The following HSPA4L variants were observed in gnomAD, a reference collection of about 807,000 sequenced individuals.
The protein encoded by HSPA4L is heat shock 70 kDa protein 4L.
HSPA4L carries 48 observed loss-of-function variants against 100.3 expected under a neutral mutation model. The ratio of observed to expected loss-of-function variants is 0.48; its 90% CI spans 0.38 to 0.61. The LOEUF is 0.61. Ranked by LOEUF, HSPA4L falls within the 20% of genes least tolerant of loss-of-function variation. The probability of loss-of-function intolerance (pLI) is 0.00; values close to 1 mark genes in which losing one functional copy is unlikely to be tolerated. For missense variants in HSPA4L, 886 were observed against 988.6 expected (o/e 0.90, Z 1.39); for synonymous variants, 319 against 328.2 (o/e 0.97, Z 0.30).
In HSPA4L at chr4:127,839,863, T is replaced by C. The variant is rs1331527519; in HGVS notation, c.*6989T>C. 2.6e-5 allele frequency: 4 copies of C among 152,204 alleles called. No homozygotes were observed. The highest frequency in any genetic ancestry group is 5.9e-5 in the Non-Finnish European group (4 of 68,046). The allele number at this position is 152,204 out of a possible 1,614,324, so 9.4% of individuals were successfully genotyped here. Reference sequence around the variant, plus strand: ...ATAAAGCCATTGTCCTTTAATACCATAGCAAATAGAAGCAATTTTTAATGA... The same window carrying C: ...ATAAAGCCATTGTCCTTTAATACCACAGCAAATAGAAGCAATTTTTAATGA... On this transcript the variant is annotated 3_prime_UTR_variant, in exon 19 of 19. Transcript: ENST00000296464.
In HSPA4L at chr4:127,795,775, C is replaced by A. The variant is rs200226261; in HGVS notation, c.173C>A (p.Thr58Lys). Residue 58 changes from threonine to lysine, a missense_variant, in exon 3 of 19, where the codon ACG (threonine) becomes AAG (lysine). Coordinates refer to ENST00000296464, the MANE Select transcript of HSPA4L (RefSeq NM_014278.4). ...AGTGTTTACTGCCAACAGATAGTCACGAACGTAAGAAATACAATTCATGGC... is the reference window on the plus strand; with the variant it reads ...AGTGTTTACTGCCAACAGATAGTCAAGAACGTAAGAAATACAATTCATGGC... ...IGNAAKSQIV[T>K]NVRNTIHGFK... 6.2e-7 allele frequency: 1 copy of A among 1,613,180 alleles called. No individual in the cohort carries two copies. Among genetic ancestry groups the A allele is most frequent in the East Asian group, 2.2e-5 (1 of 44,832 alleles).
intron 4 of HSPA4L, among the ~76,000 whole-genome samples, chr4:127,800,407 GC>G (rs996708880): frequency 1.3e-5 from 2 of 152,126 alleles, no homozygotes; most frequent in Non-Finnish European, 2.9e-5. Context: ...GTTTAAAGCT[GC>G]AGTGAGCTAT....
rs1440741976 is a variant in HSPA4L, at chr4:127,795,901, G to T, written c.299G>T (p.Gly100Val). The change falls in exon 3 of 19, where the codon GGA (glycine) becomes GTA (valine). Residue 100 changes from glycine (G) to valine (V), a missense_variant. Coordinates refer to ENST00000296464, the MANE Select transcript of HSPA4L (RefSeq NM_014278.4). ...CAGAAAATGCCTAATGGAAGTGCAG[G>T]AGTTAAGGTAAGCTTTATATTCCCA... The part of the protein sequence containing the change: ...ELQKMPNGSA[G>V]VKVRYLEEER... 6.2e-7 allele frequency: 1 copy of T among 1,613,300 alleles called. No homozygotes were observed. The highest frequency in any genetic ancestry group is 8.5e-7 in the Non-Finnish European group (1 of 1,179,488).
chr4:127,784,596 A>G (rs983619018), intron 1 of HSPA4L, among the ~76,000 whole-genome samples: 1 of 152,256 alleles, frequency 6.6e-6, no homozygotes, highest in Non-Finnish European at 1.5e-5. Flanking sequence ...AGCTTGCATC[A>G]GCAACTCTTC....
At chr4:127,796,060 C>T in intron 3 of HSPA4L, 152 bp downstream of exon 3, 3 of 620,484 alleles carry the variant, frequency 4.8e-6, no homozygotes, top group Non-Finnish European at 7.9e-6. Context: ...TTAGTGAATG[C>T]CAGGAGATCT....
chr4:127,830,117 ATTCTCT>A (rs931543846), intron 17 of HSPA4L, among the ~76,000 whole-genome samples: 3 of 151,860 alleles, frequency 2.0e-5, no homozygotes, highest in African/African-American at 7.3e-5. Flanking sequence ...CCATCAGGAG[ATTCTCT>A]TTCTATATGT....
At chr4:127,797,147 G>A (rs977552672) in intron 3 of HSPA4L, among the ~76,000 whole-genome samples, 4 of 152,128 alleles carry the variant, frequency 2.6e-5, no homozygotes, top group Admixed American at 1.3e-4. Context: ...GGAACAAATT[G>A]TAAATCCATA....
chr4:127,803,311 A>G (rs114605348), intron 6 of HSPA4L, among the ~76,000 whole-genome samples: 115 of 152,112 alleles, frequency 7.6e-4, no homozygotes, highest in African/African-American at 2.6e-3. Context: ...GTTTTGGTCT[A>G]TCTGTTCAGT....
chr4:127,832,840 A>G lies in HSPA4L; in HGVS notation c.2486A>G (p.His829Arg), dbSNP rs1427068748. ...GATTCAACAAAAGACAGCTCACAGCATACTAAATCCTCTGGAGAGATGGAA... is the reference window on the plus strand; with the variant it reads ...GATTCAACAAAAGACAGCTCACAGCGTACTAAATCCTCTGGAGAGATGGAA... Reference protein sequence around the residue: ...KSDSTKDSSQHTKSSGEMEVD With the variant: ...KSDSTKDSSQRTKSSGEMEVD Residue 829 changes from histidine (H) to arginine (R), a missense_variant, in exon 19 of 19, where the codon CAT becomes CGT. By Grantham distance (29) the His-to-Arg change is conservative. Coordinates refer to ENST00000296464, the MANE Select transcript of HSPA4L (RefSeq NM_014278.4). 3.3e-5 allele frequency: 53 copies of G among 1,611,552 alleles called. No individual in the cohort carries two copies. The highest frequency in any genetic ancestry group is 4.4e-5 in the Non-Finnish European group (52 of 1,178,876).
intron 12 of HSPA4L, chr4:127,812,758 G>C: frequency 7.0e-7 from 1 of 1,421,780 alleles, no homozygotes; most frequent in South Asian, 1.1e-5. Flanking sequence ...CAGCAGCTCA[G>C]GCTCCTTCCC....
intron 11 of HSPA4L, chr4:127,809,484 T>C (rs987106025): frequency 1.3e-5 from 14 of 1,054,500 alleles, no homozygotes; most frequent in Admixed American, 6.8e-5. Flanking sequence ...ATGAAGAAAA[T>C]ATTTGTGATG....
At position 127,812,147 on chromosome 4, in the gene HSPA4L, C is replaced by T. The variant is rs529730044; in HGVS notation, c.1578+511C>T. 5.9e-5 allele frequency among the ~76,000 whole-genome samples: 9 copies of T among 152,206 alleles called. No homozygotes were observed. The South Asian group carries it at 1.0e-3, about 18-fold the overall frequency. On this transcript the variant is annotated intron_variant, in intron 12 of 18. Transcript: ENST00000296464. ...ATTTTTGGCCGGGCGCAGTAGCTCA[C>T]GCCTGTAATCGCAGCACTTTGGGAG... is the stretch of plus-strand genomic sequence containing the variant.
chr4:127,814,416 A>T lies in HSPA4L; in HGVS notation c.1578+2780A>T, dbSNP rs368643903. Among the ~76,000 whole-genome samples the T allele has an allele frequency of 2.3e-4, 35 of 152,012 alleles. 1 individual carries two copies. In the East Asian group the frequency reaches 3.7e-3, roughly 16 times the overall value. ...TCATATATGTATTATCTTTTTTTTT[A>T]ATTTTTTTTTGAGCCACCATGCCCA... On this transcript the variant is annotated intron_variant, in intron 12 of 18. Transcript: ENST00000296464.
chr4:127,825,384 A>G (rs1466519961), intron 16 of HSPA4L, among the ~76,000 whole-genome samples: 1 of 152,116 alleles, frequency 6.6e-6, no homozygotes, highest in African/African-American at 2.4e-5. Flanking sequence ...AAATGATGAC[A>G]TTAACAAGGA....
At chr4:127,790,469 A>G (rs1252203543) in intron 1 of HSPA4L, among the ~76,000 whole-genome samples, 1 of 152,224 alleles carries the variant, frequency 6.6e-6, no homozygotes, top group Non-Finnish European at 1.5e-5. Context: ...TCAAGGAGTT[A>G]TTTATAAGAG....
chr4:127,793,949 A>G, intron 1 of HSPA4L, 128 bp from the exon 2 acceptor site: 1 of 550,602 alleles, frequency 1.8e-6, no homozygotes, highest in Non-Finnish European at 3.1e-6. Flanking sequence ...TGATTTGCAT[A>G]ACCTATTTTT....
chr4:127,795,511 G>C (rs1442877004), intron 2 of HSPA4L, among the ~76,000 whole-genome samples: 1 of 152,090 alleles, frequency 6.6e-6, no homozygotes, highest in Non-Finnish European at 1.5e-5. Context: ...AGGTTTATTC[G>C]TTCTCTTCTG....
At chr4:127,785,001 T>C (rs1263669491) in intron 1 of HSPA4L, among the ~76,000 whole-genome samples, 21 of 152,266 alleles carry the variant, frequency 1.4e-4, no homozygotes. Flanking sequence ...TTAGTTGTTT[T>C]CAGCATTCAT....
chr4:127,819,706 T>G (rs1733758690), intron 13 of HSPA4L, among the ~76,000 whole-genome samples: 1 of 152,200 alleles, frequency 6.6e-6, no homozygotes, highest in Non-Finnish European at 1.5e-5. Flanking sequence ...TGTGAACATT[T>G]CATATACGTA....
Sources: allele counts gnomAD v4.1 joint callset (sites outside exome capture counted in the v4.1 genomes callset), GRCh38; gene constraint gnomAD v4.1.1; transcripts MANE v1.5; gene names NCBI Gene and HGNC (gene_info 2026-07-23, HGNC 2026-07-21).